Variants in IGF1R observed in about 807,000 individuals in gnomAD.
The protein encoded by IGF1R is insulin like growth factor 1 receptor.
IGF1R carries 44 observed loss-of-function variants against 144.6 expected under a neutral mutation model. That is an observed-to-expected ratio of 0.30 (90% CI 0.24 to 0.39). IGF1R has a LOEUF of 0.39. IGF1R is among the 10% of genes least tolerant of loss of function. IGF1R has a pLI of 1.00. For missense variants in IGF1R, 1,355 were observed against 1,833.7 expected (o/e 0.74, Z 4.77); for synonymous variants, 795 against 722.8 (o/e 1.10, Z -1.60).
At chr15:98,946,732 T>C (rs947137676) in intron 19 of IGF1R, among the ~76,000 whole-genome samples, 1 of 151,960 alleles carries the variant, frequency 6.6e-6, no homozygotes, top group African/African-American at 2.4e-5. Flanking sequence ...GCCCAGTAAC[T>C]GGGAACTTGG....
At chr15:98,718,041 A>G (rs756999103) in intron 2 of IGF1R, among the ~76,000 whole-genome samples, 1 of 151,670 alleles carries the variant, frequency 6.6e-6, no homozygotes, top group African/African-American at 2.4e-5. Context: ...GTTTAGTTTC[A>G]TTTTCCTCCT....
chr15:98,780,497 C>T (rs138765315), intron 2 of IGF1R, among the ~76,000 whole-genome samples: 131 of 128,076 alleles, frequency 1.0e-3, no homozygotes, highest in Middle Eastern at 6.0e-3. Flanking sequence ...TGTGGAGAGC[C>T]AAGATTGCAT....
intron 2 of IGF1R, among the ~76,000 whole-genome samples, chr15:98,787,894 A>G (rs944173725): frequency 6.6e-6 from 1 of 152,122 alleles, no homozygotes; most frequent in Non-Finnish European, 1.5e-5. Flanking sequence ...GTGTGAGAAC[A>G]TTGAATTTGG....
At chr15:98,678,428 G>A (rs1567071321) in intron 1 of IGF1R, among the ~76,000 whole-genome samples, 1 of 150,904 alleles carries the variant, frequency 6.6e-6, no homozygotes, top group African/African-American at 2.4e-5. Context: ...AGTTTTTATA[G>A]TGTGGCAATA....
rs138285597 is a variant in IGF1R, at chr15:98,878,663, C to CAAAAAAAA, written c.641-12637_641-12630dup. The stretch of plus-strand genomic sequence containing the variant: ...TCTCTCTTCTTATTTGTGAAAGACT[C>CAAAAAAAA]AAAAAAAAAAAAAAAAAAAAAAAAA... On this transcript the variant is annotated intron_variant, in intron 2 of 20. Coordinates refer to ENST00000650285, the MANE Select transcript of IGF1R (RefSeq NM_000875.5). Among the ~76,000 whole-genome samples the CAAAAAAAA allele has an allele frequency of 2.0e-3, 116 of 57,876 alleles. 2 individuals are homozygous for CAAAAAAAA. Among genetic ancestry groups the CAAAAAAAA allele is most frequent in the African/African-American group, 6.4e-3 (62 of 9,618 alleles). The allele number at this position is 57,876 out of a possible 152,430, so 38.0% of individuals were successfully genotyped here.
At chr15:98,845,101 C>T (rs182211379) in intron 2 of IGF1R, among the ~76,000 whole-genome samples, 11 of 152,268 alleles carry the variant, frequency 7.2e-5, no homozygotes, top group African/African-American at 2.6e-4. Context: ...CAAAACTTAG[C>T]AAACTCTTCT....
chr15:98,762,847 A>T (rs1387225769), intron 2 of IGF1R, among the ~76,000 whole-genome samples: 1 of 151,526 alleles, frequency 6.6e-6, no homozygotes, highest in Non-Finnish European at 1.5e-5. Flanking sequence ...AGAGATCAAG[A>T]CCATCCTGGC....
intron 2 of IGF1R, among the ~76,000 whole-genome samples, chr15:98,781,761 A>G (rs1306497059): frequency 2.0e-5 from 3 of 152,146 alleles, no homozygotes; most frequent in Non-Finnish European, 4.4e-5. Flanking sequence ...ACCATGTGCT[A>G]TTACTGTGCC....
intron 1 of IGF1R, chr15:98,660,648 G>A (rs550121952): frequency 1.3e-4 from 20 of 152,284 alleles, no homozygotes; most frequent in African/African-American, 3.8e-4. Context: ...GAACTTGAAA[G>A]CAATAAAATT....
At chr15:98,930,196 G>A in intron 14 of IGF1R, 39 bp from the exon 15 acceptor site, 2 of 1,369,844 alleles carry the variant, frequency 1.5e-6, no homozygotes, top group Non-Finnish European at 2.1e-6. Flanking sequence ...AATGTATGGA[G>A]GTGGGGTTTT....
At chr15:98,777,785 C>T (rs2055755834) in intron 2 of IGF1R, among the ~76,000 whole-genome samples, 1 of 152,210 alleles carries the variant, frequency 6.6e-6, no homozygotes, top group Admixed American at 6.5e-5. Context: ...ACTCACTTGC[C>T]TGGTCATGCA....
chr15:98,714,297 A>G (rs761391553), intron 2 of IGF1R, among the ~76,000 whole-genome samples: 3 of 151,982 alleles, frequency 2.0e-5, no homozygotes, highest in Non-Finnish European at 4.4e-5. Flanking sequence ...GTTTTCCTCT[A>G]TAGGTTGGTG....
chr15:98,950,792 G>A (rs1044669512), intron 20 of IGF1R, among the ~76,000 whole-genome samples: 8 of 152,104 alleles, frequency 5.3e-5, no homozygotes, highest in African/African-American at 1.7e-4. Context: ...TCAAGTGAGG[G>A]GATTATATGG....
At chr15:98,955,929 C>T (rs1401442242) in intron 20 of IGF1R, among the ~76,000 whole-genome samples, 2 of 152,230 alleles carry the variant, frequency 1.3e-5, no homozygotes, top group South Asian at 2.1e-4. Context: ...GGATAACTTC[C>T]TGGTGAGAAC....
intron 2 of IGF1R, among the ~76,000 whole-genome samples, chr15:98,806,803 C>T (rs372913201): frequency 1.1e-4 from 16 of 152,242 alleles, no homozygotes; most frequent in African/African-American, 3.9e-4. Flanking sequence ...ATCCATAAAA[C>T]ATTGATGTGA....
intron 18 of IGF1R, among the ~76,000 whole-genome samples, chr15:98,940,630 C>G (rs2016329563): frequency 6.6e-6 from 1 of 152,176 alleles, no homozygotes; most frequent in African/African-American, 2.4e-5. Context: ...GTCTTGAACT[C>G]CTGACCTCAG....
At chr15:98,772,011 A>G (rs1399351408) in intron 2 of IGF1R, among the ~76,000 whole-genome samples, 1 of 152,098 alleles carries the variant, frequency 6.6e-6, no homozygotes, top group Admixed American at 6.6e-5. Context: ...GTAGGTAAGG[A>G]AAGCCCAGCT....
chr15:98,951,914 G>A (rs1304440298), intron 20 of IGF1R, among the ~76,000 whole-genome samples: 1 of 152,228 alleles, frequency 6.6e-6, no homozygotes, highest in Admixed American at 6.5e-5. Context: ...AGCTAGCGTG[G>A]CTGTGTTCCA....
chr15:98,913,513 C>T (rs945017274), intron 8 of IGF1R, among the ~76,000 whole-genome samples: 2 of 152,222 alleles, frequency 1.3e-5, no homozygotes, highest in African/African-American at 2.4e-5. Flanking sequence ...TGCCTGTGAG[C>T]CCAGGTCCTC....
Sources: allele counts gnomAD v4.1 joint callset (sites outside exome capture counted in the v4.1 genomes callset), GRCh38; gene constraint gnomAD v4.1.1; transcripts MANE v1.5; gene names NCBI Gene and HGNC (gene_info 2026-07-23, HGNC 2026-07-21).